ALOX12: variants seen among roughly 807,000 people sequenced by gnomAD.
ALOX12 encodes the protein polyunsaturated fatty acid lipoxygenase ALOX12.
A neutral mutation model predicts 85.5 loss-of-function variants in ALOX12; 62 were observed. The ratio of observed to expected loss-of-function variants is 0.73; its 90% confidence interval spans 0.59 to 0.90. The LOEUF (loss-of-function observed/expected upper bound fraction) is 0.90, where lower values mean the gene tolerates loss of function less well. Among genes scored for constraint, ALOX12 ranks in the 40% least tolerant of loss-of-function variants. The pLI is 0.00. For synonymous variants in ALOX12, 299 were observed against 332.7 expected, an observed-to-expected ratio of 0.90 and a Z score of 1.10; for missense variants, 751 against 856.5, an observed-to-expected ratio of 0.88 and a Z score of 1.54.
chr17:6,998,098 A>T (rs1597850044), intron 2 of ALOX12, among the ~76,000 whole-genome samples: 1 of 151,932 alleles, frequency 6.6e-6, no homozygotes. Context: ...GTGGCAGGTG[A>T]GGTTTAAGAT....
intron 5 of ALOX12, 68 bp from the exon 6 acceptor site, chr17:6,999,238 G>T: frequency 6.2e-7 from 1 of 1,600,906 alleles, no homozygotes; most frequent in Non-Finnish European, 8.5e-7. Flanking sequence ...CTGAACCCCT[G>T]GGGTAGATTT....
rs998406396 is a variant in ALOX12 at position 7,001,370 on chromosome 17, C to T, written c.952-232C>T. The T allele has an allele frequency of 4.8e-5, 27 of 563,022 alleles. 1 individual carries two copies. In the Admixed American group the frequency reaches 8.3e-4, roughly 17 times the overall value. The allele number at this position is 563,022 out of a possible 1,614,324, so 34.9% of individuals were successfully genotyped here. A position where few individuals can be genotyped will look rare whatever the true frequency, so the allele number is the denominator to read the frequency against. Reference sequence around the variant, plus strand: ...ACCCCAAAGCAGCAGGTTTCTCCCACACCACTGTTAGGGCCTCCTTCTGGA... The same window carrying T: ...ACCCCAAAGCAGCAGGTTTCTCCCATACCACTGTTAGGGCCTCCTTCTGGA... On this transcript the variant is annotated intron_variant, in intron 7 of 13. Coordinates refer to ENST00000251535, the MANE Select transcript of ALOX12 (RefSeq NM_000697.3).
rs1275230477 is a variant in ALOX12, at chr17:7,005,968, G to A, written c.1359G>A (p.Leu453=). The part of the protein sequence containing the change: ...PPDDLADRGL[L]GLPGALYAHD... ...ACGACCTGGCTGACCGGGGCCTGCT[G>A]GGACTCCCAGGTGCTCTCTATGCCC... The change falls in exon 10 of 14, where the codon CTG becomes CTA. Residue 453 remains leucine, a synonymous_variant. Transcript: ENST00000251535. 4.3e-6 allele frequency: 7 copies of A among 1,611,180 alleles called. No homozygotes were observed. Among genetic ancestry groups the A allele is most frequent in the Non-Finnish European group, 5.9e-6 (7 of 1,179,154 alleles).
At chr17:7,002,325 G>A in intron 8 of ALOX12, 1 of 366,828 alleles carries the variant, frequency 2.7e-6, no homozygotes. Context: ...AGAGATGTAT[G>A]TTAGCATGGT....
chr17:7,001,693 G>A lies in ALOX12; in HGVS notation c.1043G>A (p.Arg348Gln), dbSNP rs1297300834. 8.7e-6 allele frequency: 14 copies of A among 1,613,996 alleles called. No individual in the cohort carries two copies. Among genetic ancestry groups the A allele is most frequent in the South Asian group, 2.2e-5 (2 of 91,072 alleles). ...TGGCTCCTGGCAAAGTCCTGGGTCCGAAATTCAGATTTCCAACTGCACGAG... is the reference window on the plus strand; with the variant it reads ...TGGCTCCTGGCAAAGTCCTGGGTCCAAAATTCAGATTTCCAACTGCACGAG... ...LAWLLAKSWV[R>Q]NSDFQLHEIQ... The change falls in exon 8 of 14, where the codon CGA becomes CAA. Residue 348 changes from arginine to glutamine, a missense_variant. Transcript: ENST00000251535.
chr17:7,001,678 C>G lies in ALOX12; in HGVS notation c.1028C>G (p.Ala343Gly). 1 of 1,614,192 alleles carries G rather than the reference C, an allele frequency of 6.2e-7. No homozygotes were observed. The highest frequency in any genetic ancestry group is 8.5e-7 in the Non-Finnish European group (1 of 1,180,030). Reference sequence around the variant, plus strand: ...GACCCCCCACTTGCCTGGCTCCTGGCAAAGTCCTGGGTCCGAAATTCAGAT... The same window carrying G: ...GACCCCCCACTTGCCTGGCTCCTGGGAAAGTCCTGGGTCCGAAATTCAGAT... ...PSDPPLAWLLAKSWVRNSDFQ... is the reference protein window; with the variant it reads ...PSDPPLAWLLGKSWVRNSDFQ... The change falls in exon 8 of 14, where the codon GCA (alanine) becomes GGA (glycine). Residue 343 changes from alanine to glycine, a missense_variant. Ala to Gly is a moderately conservative substitution (Grantham distance 60). Coordinates refer to ENST00000251535, the MANE Select transcript of ALOX12 (RefSeq NM_000697.3).
At chr17:7,008,308 C>T (rs1248347462) in intron 11 of ALOX12, among the ~76,000 whole-genome samples, 1 of 152,196 alleles carries the variant, frequency 6.6e-6, no homozygotes, top group Non-Finnish European at 1.5e-5. Context: ...TCCCAGCAGA[C>T]ATTTTAGAGG....
Position 7,001,710 on chromosome 17 carries a change from CT to C in ALOX12, c.1061del (p.Leu354ArgfsTer9), listed in dbSNP as rs1405890635. 2 of 1,614,012 alleles carry C rather than the reference CT, an allele frequency of 1.2e-6. No individual in the cohort carries two copies. Among genetic ancestry groups the C allele is most frequent in the Admixed American group, 1.7e-5 (1 of 59,998 alleles). Reference sequence around the variant, plus strand: ...CTGGGTCCGAAATTCAGATTTCCAACTGCACGAGATCCAGTATCACTTGCTG... The same window carrying C: ...CTGGGTCCGAAATTCAGATTTCCAACGCACGAGATCCAGTATCACTTGCTG... ...KSWVRNSDFQ[L>X]HEIQYHLLNT... On this transcript the variant is annotated frameshift_variant, in exon 8 of 14. Transcript: ENST00000251535. LOFTEE classifies it high-confidence loss of function.
At position 6,999,297 on chromosome 17, in the gene ALOX12, C is replaced by A. The variant is rs751228782; in HGVS notation, c.647-9C>A. ...GGTACATATATCCTCCTTTCACCGC[C>A]CACCAAAGAGAAGGTTCGCCAGTGC... is the stretch of plus-strand genomic sequence containing the variant. On this transcript the variant is annotated splice_polypyrimidine_tract_variant and intron_variant, in intron 5 of 13. Coordinates refer to ENST00000251535, the MANE Select transcript of ALOX12 (RefSeq NM_000697.3). 1.4e-5 allele frequency: 23 copies of A among 1,614,046 alleles called. No homozygotes were observed. The Admixed American group carries it at 3.2e-4, about 22-fold the overall frequency.
rs1231292254 is a variant in ALOX12 at position 7,004,220 on chromosome 17, AATTT to A, written c.1162-1035_1162-1032del. Among the ~76,000 whole-genome samples the A allele has an allele frequency of 5.1e-5, 6 of 118,012 alleles. No homozygotes were observed. In the South Asian group the frequency reaches 1.1e-3, roughly 22 times the overall value. 77.4% of individuals were successfully genotyped at this position (118,012 alleles called of 152,430 possible). On this transcript the variant is annotated intron_variant, in intron 8 of 13. Coordinates refer to ENST00000251535, the MANE Select transcript of ALOX12 (RefSeq NM_000697.3). ...AAATTTTTAATTTTAATATTAAATT[AATTT>A]AATTTAATATTAATTTAACTTAATT...
chr17:7,009,487 T>C (rs1452995064), intron 11 of ALOX12: 4 of 428,788 alleles, frequency 9.3e-6, no homozygotes, highest in Non-Finnish European at 1.7e-5. Context: ...ACCAGGTGAT[T>C]TTGATACATC....
chr17:7,000,956 T>C lies in ALOX12; in HGVS notation c.951+477T>C, dbSNP rs548794755. 1.3e-5 allele frequency among the ~76,000 whole-genome samples: 2 copies of C among 151,802 alleles called. No individual in the cohort carries two copies. Among genetic ancestry groups the C allele is most frequent in the East Asian group, 3.9e-4 (2 of 5,180 alleles). On this transcript the variant is annotated intron_variant, in intron 7 of 13. Coordinates refer to ENST00000251535, the MANE Select transcript of ALOX12 (RefSeq NM_000697.3). This position sits in a 1 kb window ranked among gnomAD's most constrained non-coding sequence, Gnocchi z 4.6. ...GAATATCTTTTCTCGCAATTTCTTT[T>C]TTTTTTTTGAGACAGAATCTCACTG...
In ALOX12 at chr17:7,004,240, T is replaced by C. The variant is rs961534592; in HGVS notation, c.1162-1017T>C. On this transcript the variant is annotated intron_variant, in intron 8 of 13. Transcript: ENST00000251535. ...AAATTAATTTAATTTAATATTAATTTAACTTAATTTAATTTAATATTAATT... is the reference window on the plus strand; with the variant it reads ...AAATTAATTTAATTTAATATTAATTCAACTTAATTTAATTTAATATTAATT... Among the ~76,000 whole-genome samples the C allele has an allele frequency of 2.4e-4, 35 of 144,626 alleles. 1 individual carries two copies. In the South Asian group the frequency reaches 3.8e-3, roughly 16 times the overall value. 94.9% of individuals were successfully genotyped at this position (144,626 alleles called of 152,430 possible). A position where few individuals can be genotyped will look rare whatever the true frequency, so the allele number is the denominator to read the frequency against.
intron 2 of ALOX12, among the ~76,000 whole-genome samples, chr17:6,998,116 TAATC>T (rs1327745765): frequency 6.6e-6 from 1 of 151,904 alleles, no homozygotes; most frequent in Non-Finnish European, 1.5e-5. Context: ...GATGTGAAAT[TAATC>T]AAAGCAATCT....
At chr17:7,007,031 T>A (rs1320202666) in intron 11 of ALOX12, among the ~76,000 whole-genome samples, 1 of 152,166 alleles carries the variant, frequency 6.6e-6, no homozygotes, top group Admixed American at 6.5e-5. Flanking sequence ...TCCCTCCCTC[T>A]CTTCCTGCCT....
intron 9 of ALOX12, 41 bp from the exon 10 acceptor site, chr17:7,005,817 G>T: frequency 1.3e-6 from 2 of 1,592,236 alleles, no homozygotes; most frequent in Non-Finnish European, 1.7e-6. Flanking sequence ...TGGTTCTCCA[G>T]CCCTGTTTCC....
rs1378537410 is a variant in ALOX12, at chr17:6,997,047, G to A, written c.337+20G>A. 2.0e-6 allele frequency: 3 copies of A among 1,517,846 alleles called. No homozygotes were observed. Among genetic ancestry groups the A allele is most frequent in the Admixed American group, 2.0e-5 (1 of 50,180 alleles). The allele number at this position is 1,517,846 out of a possible 1,614,324, so 94.0% of individuals were successfully genotyped here. On this transcript the variant is annotated intron_variant, in intron 2 of 13. Transcript: ENST00000251535. ...GCACCGGTGAGCAGGCGGCGTCGGGGAAGGAGGCACAAGGTCTCGGGAACT... is the reference window on the plus strand; with the variant it reads ...GCACCGGTGAGCAGGCGGCGTCGGGAAAGGAGGCACAAGGTCTCGGGAACT...
chr17:6,998,628 G>A, intron 3 of ALOX12, 38 bp downstream of exon 3: 1 of 1,599,234 alleles, frequency 6.3e-7, no homozygotes, highest in African/African-American at 1.3e-5. Context: ...CGCCACCACT[G>A]TCCCACCCCT....
At position 7,010,412 on chromosome 17, in the gene ALOX12, G is replaced by A. The variant is rs1909329202; in HGVS notation, c.1981G>A (p.Val661Ile). The A allele has an allele frequency of 1.9e-6, 3 of 1,613,990 alleles. No homozygotes were observed. The highest frequency in any genetic ancestry group is 1.7e-6 in the Non-Finnish European group (2 of 1,179,974). Residue 661 changes from valine to isoleucine, a missense_variant, in exon 14 of 14, where the codon GTC becomes ATC. By Grantham distance (29) the Val-to-Ile change is conservative. Transcript: ENST00000251535. ...YLKPSCIENS[V>I]TI ...GAAGCCCAGCTGCATAGAGAACAGT[G>A]TCACCATCTGAGCCCTAGAGTGACT... is the stretch of plus-strand genomic sequence containing the variant.
Sources: allele counts gnomAD v4.1 joint callset (sites outside exome capture counted in the v4.1 genomes callset), GRCh38; gene constraint gnomAD v4.1.1; non-coding constraint Gnocchi (gnomAD v3.1); transcripts MANE v1.5; gene names NCBI Gene and HGNC (gene_info 2026-07-23, HGNC 2026-07-21).